The following STAU2 variants were observed in gnomAD, a reference collection of about 807,000 sequenced individuals.
STAU2 encodes the protein double-stranded RNA-binding protein Staufen homolog 2.
In STAU2, 20 loss-of-function variants were observed where a neutral mutation model predicts 65.9. That is an observed-to-expected ratio of 0.30 (90% CI 0.21 to 0.44). The LOEUF is 0.44. STAU2 is among the 20% of genes least tolerant of loss of function. STAU2 has a pLI of 1.00. For missense variants in STAU2, 558 were observed against 683.9 expected (o/e 0.82, Z 2.05); for synonymous variants, 232 against 233.9 (o/e 0.99, Z 0.07).
At chr8:73,702,661 T>C (rs888009618) in intron 4 of STAU2, among the ~76,000 whole-genome samples, 6 of 152,044 alleles carry the variant, frequency 3.9e-5, no homozygotes, top group Admixed American at 2.6e-4. Context: ...TATAAACATA[T>C]GCACCAAACA....
chr8:73,688,381 G>C (rs1819091619), intron 5 of STAU2, among the ~76,000 whole-genome samples: 1 of 150,828 alleles, frequency 6.6e-6, no homozygotes, highest in Admixed American at 6.6e-5. Flanking sequence ...GGCCAGGATG[G>C]TCTCGAACTA....
intron 6 of STAU2, chr8:73,652,250 T>C (rs1196377311): frequency 6.6e-6 from 1 of 152,200 alleles, no homozygotes; most frequent in African/African-American, 2.4e-5. Context: ...CATTACTTAC[T>C]AGCAAATCTT....
intron 13 of STAU2, 129 bp from the exon 14 acceptor site, chr8:73,422,831 A>G (rs1473084374): frequency 5.2e-6 from 3 of 576,000 alleles, no homozygotes; most frequent in South Asian, 6.4e-5. Flanking sequence ...ATTGTTTAAC[A>G]AAAGTACACT....
At chr8:73,694,930 G>A (rs1819601344) in intron 4 of STAU2, among the ~76,000 whole-genome samples, 1 of 152,212 alleles carries the variant, frequency 6.6e-6, no homozygotes, top group South Asian at 2.1e-4. Flanking sequence ...TAGCTGGAGG[G>A]GAATTGCCCA....
chr8:73,568,243 C>T (rs1034568348), intron 12 of STAU2, among the ~76,000 whole-genome samples: 1 of 152,190 alleles, frequency 6.6e-6, no homozygotes, highest in Non-Finnish European at 1.5e-5. Flanking sequence ...AGACCAAGTA[C>T]ATCTTTATTC....
At chr8:73,526,098 C>G (rs1805435667) in intron 13 of STAU2, among the ~76,000 whole-genome samples, 1 of 152,206 alleles carries the variant, frequency 6.6e-6, no homozygotes, top group Non-Finnish European at 1.5e-5. Context: ...TATTAATATG[C>G]TACAACTGTT....
chr8:73,684,950 T>A (rs1563504642), intron 5 of STAU2, among the ~76,000 whole-genome samples: 1 of 152,178 alleles, frequency 6.6e-6, no homozygotes, highest in Non-Finnish European at 1.5e-5. Flanking sequence ...TCATCTTGAA[T>A]TGTAATCCCC....
At chr8:73,497,717 T>C (rs1050245217) in intron 13 of STAU2, among the ~76,000 whole-genome samples, 3 of 151,786 alleles carry the variant, frequency 2.0e-5, no homozygotes, top group Admixed American at 6.6e-5. Context: ...TCAGTTTTTA[T>C]ACCAAACTTT....
At chr8:73,579,110 T>A (rs1809801350) in intron 12 of STAU2, among the ~76,000 whole-genome samples, 1 of 151,884 alleles carries the variant, frequency 6.6e-6, no homozygotes, top group East Asian at 1.9e-4. Flanking sequence ...GGTTTCAGGA[T>A]GTTCAGTGTT....
At chr8:73,498,046 T>C (rs576535462) in intron 13 of STAU2, among the ~76,000 whole-genome samples, 1 of 152,010 alleles carries the variant, frequency 6.6e-6, no homozygotes, top group East Asian at 1.9e-4. Context: ...ATTGTGTTTG[T>C]AAATTTGCCA....
At chr8:73,531,083 T>G (rs1019844724) in intron 13 of STAU2, among the ~76,000 whole-genome samples, 5 of 152,144 alleles carry the variant, frequency 3.3e-5, no homozygotes, top group African/African-American at 1.2e-4. Context: ...ACGTAAAGTG[T>G]GCAGGAAGGT....
intron 13 of STAU2, among the ~76,000 whole-genome samples, chr8:73,522,654 G>A (rs1214599063): frequency 6.6e-6 from 1 of 152,080 alleles, no homozygotes. Flanking sequence ...TTTTTGTTCT[G>A]GACAATTGAA....
chr8:73,594,951 C>G (rs567089944), intron 11 of STAU2, among the ~76,000 whole-genome samples: 2 of 152,154 alleles, frequency 1.3e-5, no homozygotes. Context: ...TACAACCATA[C>G]AACAAACTTT....
At chr8:73,562,546 A>C (rs1449483444) in intron 12 of STAU2, among the ~76,000 whole-genome samples, 1 of 152,238 alleles carries the variant, frequency 6.6e-6, no homozygotes, top group African/African-American at 2.4e-5. Flanking sequence ...GAAAAATGTA[A>C]AAATAATGCA....
At chr8:73,490,726 T>C (rs1040991916) in intron 13 of STAU2, among the ~76,000 whole-genome samples, 10 of 152,070 alleles carry the variant, frequency 6.6e-5, no homozygotes, top group African/African-American at 1.4e-4. Context: ...TCAAGAATTC[T>C]ACATTACTTT....
intron 4 of STAU2, chr8:73,697,553 G>A (rs1345099489): frequency 2.0e-5 from 3 of 152,158 alleles, no homozygotes; most frequent in African/African-American, 4.8e-5. Flanking sequence ...TACCTGTGGT[G>A]TATAAACTAC....
intron 6 of STAU2, among the ~76,000 whole-genome samples, chr8:73,626,636 T>C (rs1813663865): frequency 6.6e-6 from 1 of 152,170 alleles, no homozygotes; most frequent in African/African-American, 2.4e-5. Context: ...ACAATTTCAC[T>C]TAAGGATTGT....
At chr8:73,516,774 A>T (rs1249326540) in intron 13 of STAU2, among the ~76,000 whole-genome samples, 2 of 152,176 alleles carry the variant, frequency 1.3e-5, no homozygotes, top group Non-Finnish European at 2.9e-5. Context: ...AATACTCTTT[A>T]GGTTGTAAAA....
intron 9 of STAU2, among the ~76,000 whole-genome samples, chr8:73,604,790 G>C (rs1360251690): frequency 1.3e-5 from 2 of 152,128 alleles, no homozygotes; most frequent in African/African-American, 4.8e-5. Flanking sequence ...CAAGTGGTGA[G>C]AATGGGGAGT....
Sources: gnomAD v4.1 joint callset for allele counts (sites outside exome capture counted in the v4.1 genomes callset) on GRCh38, gnomAD v4.1.1 for gene constraint, MANE v1.5 for transcripts, NCBI Gene and HGNC (gene_info 2026-07-23, HGNC 2026-07-21) for gene names.